GABBR2: variants seen among roughly 807,000 people sequenced by gnomAD.
GABBR2 encodes the protein G-protein coupled receptor 51.
A neutral mutation model predicts 105.6 loss-of-function variants in GABBR2; 23 were observed. That is an observed-to-expected ratio of 0.22 (90% CI 0.16 to 0.31). The LOEUF (loss-of-function observed/expected upper bound fraction) is 0.31. GABBR2 is among the 10% of genes least tolerant of loss of function. GABBR2 has a pLI of 1.00. For synonymous variants in GABBR2, 478 were observed against 499.7 expected, an observed-to-expected ratio of 0.96 and a Z score of 0.58; for missense variants, 734 against 1,245.5, an observed-to-expected ratio of 0.59 and a Z score of 6.18.
In GABBR2 at chr9:98,454,880, G is replaced by T. The variant is rs1826297938; in HGVS notation, c.1000-663C>A. 4.0e-5 allele frequency among the ~76,000 whole-genome samples: 6 copies of T among 151,846 alleles called. No homozygotes were observed. The highest frequency in any genetic ancestry group is 3.9e-4 in the Admixed American group (6 of 15,236). ...CCTCAAAGGCACAGTCTACCCTCAA[G>T]AACTGGGGCAAGAGGCTCCCTAGAC... On this transcript the variant is annotated intron_variant, in intron 6 of 18. Coordinates refer to ENST00000259455, the MANE Select transcript of GABBR2 (RefSeq NM_005458.8). This position sits in a 1 kb window ranked among gnomAD's most constrained non-coding sequence, Gnocchi z 4.6.
chr9:98,400,035 C>G (rs1161507880), intron 8 of GABBR2, among the ~76,000 whole-genome samples: 1 of 138,438 alleles, frequency 7.2e-6, no homozygotes, highest in African/African-American at 2.9e-5. Context: ...AAAAAAAAAA[C>G]CTAGCCAGGC....
intron 2 of GABBR2, 142 bp from the exon 3 acceptor site, chr9:98,542,185 T>A: frequency 1.5e-6 from 1 of 672,750 alleles, no homozygotes; most frequent in Non-Finnish European, 2.4e-6. Context: ...ACTTTTTTAT[T>A]GTAAGAGTAA....
intron 4 of GABBR2, among the ~76,000 whole-genome samples, chr9:98,485,540 G>A (rs886733897): frequency 2.0e-5 from 3 of 151,736 alleles, no homozygotes; most frequent in African/African-American, 4.8e-5. Context: ...ACACACTCAC[G>A]CACGCACATG....
intron 7 of GABBR2, among the ~76,000 whole-genome samples, chr9:98,430,450 C>A (rs1167354998): frequency 2.6e-5 from 4 of 152,276 alleles, no homozygotes; most frequent in African/African-American, 9.6e-5. Flanking sequence ...TCACCCCACT[C>A]CTGAGATGAC....
chr9:98,660,880 A>C (rs564515285), intron 1 of GABBR2, among the ~76,000 whole-genome samples: 3 of 152,254 alleles, frequency 2.0e-5, no homozygotes, highest in Admixed American at 2.0e-4. Context: ...GCCTACCTGG[A>C]TGATCCAGGA....
chr9:98,293,028 T>C (rs1283783615), intron 18 of GABBR2, among the ~76,000 whole-genome samples: 2 of 152,224 alleles, frequency 1.3e-5, no homozygotes, highest in East Asian at 3.8e-4. Context: ...GCTCTAATAC[T>C]AAAGAGCCCC....
intron 1 of GABBR2, among the ~76,000 whole-genome samples, chr9:98,583,572 G>A (rs1335443420): frequency 6.6e-6 from 1 of 152,230 alleles, no homozygotes; most frequent in Non-Finnish European, 1.5e-5. Flanking sequence ...AGAGTATAGT[G>A]TTTGTCTCTG....
intron 1 of GABBR2, among the ~76,000 whole-genome samples, chr9:98,648,118 T>TAGATAGAG (rs1283464352): frequency 7.0e-6 from 1 of 142,038 alleles, no homozygotes; most frequent in Non-Finnish European, 1.5e-5. Context: ...TGTGTGTGTA[T>TAGATAGAG]AGATAGATAG....
At chr9:98,370,472 C>T (rs1433597555) in intron 12 of GABBR2, among the ~76,000 whole-genome samples, 1 of 152,102 alleles carries the variant, frequency 6.6e-6, no homozygotes, top group Non-Finnish European at 1.5e-5. Context: ...CTCCTAATTC[C>T]AACTCTGGAG....
Position 98,708,595 on chromosome 9 carries a change from C to CG in GABBR2, c.142dup (p.Arg48ProfsTer58). Reference sequence around the variant, plus strand: ...GAGCGGCGGGCTGCTGGGCGGCGGCCGGGGGGCGCCCCGCGCCCAGCCCCA... The same window carrying CG: ...GAGCGGCGGGCTGCTGGGCGGCGGCCGGGGGGGCGCCCCGCGCCCAGCCCCA... On this transcript the variant is annotated frameshift_variant, in exon 1 of 19. Coordinates refer to ENST00000259455, the MANE Select transcript of GABBR2 (RefSeq NM_005458.8). LOFTEE classifies it high-confidence loss of function. The CG allele has an allele frequency of 8.3e-6, 12 of 1,443,136 alleles. No individual in the cohort carries two copies. Among genetic ancestry groups the CG allele is most frequent in the South Asian group, 4.4e-5 (3 of 68,734 alleles). The allele number at this position is 1,443,136 out of a possible 1,614,324, so 89.4% of individuals were successfully genotyped here.
intron 1 of GABBR2, among the ~76,000 whole-genome samples, chr9:98,618,148 C>G (rs770531233): frequency 1.3e-5 from 2 of 152,182 alleles, no homozygotes; most frequent in Non-Finnish European, 2.9e-5. Flanking sequence ...AGGCTCAGGG[C>G]TAACCGATCC....
At chr9:98,305,773 C>T (rs1830541753) in intron 15 of GABBR2, among the ~76,000 whole-genome samples, 1 of 150,406 alleles carries the variant, frequency 6.6e-6, no homozygotes, top group Admixed American at 6.6e-5. Flanking sequence ...CGAGAGATCA[C>T]ATCACTGCAC....
chr9:98,638,126 G>T (rs1829906106), intron 1 of GABBR2, among the ~76,000 whole-genome samples: 1 of 152,182 alleles, frequency 6.6e-6, no homozygotes, highest in African/African-American at 2.4e-5. Context: ...AAGAAAGGGT[G>T]GGGAGGAAAA....
At chr9:98,483,897 AC>A (rs1216761813) in intron 4 of GABBR2, among the ~76,000 whole-genome samples, 23 of 152,162 alleles carry the variant, frequency 1.5e-4, no homozygotes, top group Non-Finnish European at 1.5e-5. Flanking sequence ...AGTAAGCGTA[AC>A]TTGACTTATC....
intron 11 of GABBR2, among the ~76,000 whole-genome samples, chr9:98,375,896 G>A (rs2131469797): frequency 6.6e-6 from 1 of 152,336 alleles, no homozygotes; most frequent in East Asian, 1.9e-4. Context: ...TAATGATTCT[G>A]TTTTCCAATA....
intron 1 of GABBR2, among the ~76,000 whole-genome samples, chr9:98,609,444 C>T (rs1270922042): frequency 1.3e-5 from 2 of 152,200 alleles, no homozygotes; most frequent in African/African-American, 4.8e-5. Context: ...CCAAAGCATG[C>T]CCATATTTCA....
chr9:98,522,369 G>A (rs1483612293), intron 3 of GABBR2, among the ~76,000 whole-genome samples: 5 of 152,084 alleles, frequency 3.3e-5, no homozygotes, highest in African/African-American at 1.2e-4. Context: ...AGAAAGACCA[G>A]ATTCTTCGAA....
At chr9:98,669,254 C>T (rs562701794) in intron 1 of GABBR2, among the ~76,000 whole-genome samples, 17 of 152,204 alleles carry the variant, frequency 1.1e-4, no homozygotes, top group Admixed American at 7.2e-4. Flanking sequence ...AAAAGCCATC[C>T]TAATGGGTGT....
At position 98,532,407 on chromosome 9, in the gene GABBR2, G is replaced by A. The variant is rs148053457; in HGVS notation, c.630+9466C>T. On this transcript the variant is annotated intron_variant, in intron 3 of 18. Coordinates refer to ENST00000259455, the MANE Select transcript of GABBR2 (RefSeq NM_005458.8). ...GTTCTTCAGATAAAAGTTGGGGCCC[G>A]AGGTGGGGCACTAGTACCATTAGGA... is the stretch of plus-strand genomic sequence containing the variant. Among the ~76,000 whole-genome samples, 781 of 152,318 alleles carry A rather than the reference G, an allele frequency of 5.1e-3. 6 individuals carry two copies. Among genetic ancestry groups the A allele is most frequent in the Admixed American group, 9.0e-3 (138 of 15,300 alleles).
Sources: allele counts gnomAD v4.1 joint callset (sites outside exome capture counted in the v4.1 genomes callset), GRCh38; gene constraint gnomAD v4.1.1; non-coding constraint Gnocchi (gnomAD v3.1); transcripts MANE v1.5; gene names NCBI Gene and HGNC (gene_info 2026-07-23, HGNC 2026-07-21).